Variants in ASRGL1 observed in about 807,000 individuals in gnomAD.
ASRGL1 encodes the protein isoaspartyl peptidase/L-asparaginase.
ASRGL1 carries 16 observed loss-of-function variants against 22.4 expected under a neutral mutation model. That is an observed-to-expected ratio of 0.71 (90% CI 0.48 to 1.08). The LOEUF is 1.08. Among genes scored for constraint, ASRGL1 ranks in the 50% least tolerant of loss-of-function variants. The probability of loss-of-function intolerance (pLI) is 0.00; values close to 1 mark genes in which losing one functional copy is unlikely to be tolerated. For synonymous variants in ASRGL1, 165 were observed against 159.3 expected, an observed-to-expected ratio of 1.04 and a Z score of -0.27; for missense variants, 412 against 410.1, an observed-to-expected ratio of 1.00 and a Z score of -0.04.
At position 62,357,092 on chromosome 11, in the gene ASRGL1, C is replaced by T. The variant is rs1352257014; in HGVS notation, c.439C>T (p.Arg147Cys). The change falls in exon 4 of 7, where the codon CGC becomes TGC. Residue 147 changes from arginine (R) to cysteine (C), a missense_variant. Transcript: ENST00000415229. ...EKLVTERNKKRLEKEKHEKGA... is the reference protein window; with the variant it reads ...EKLVTERNKKCLEKEKHEKGA... ...ACTGGTGACAGAGAGAAACAAAAAG[C>T]GCCTGGAAAAAGAGAAGCATGAAAA... 4.3e-6 allele frequency: 7 copies of T among 1,613,782 alleles called. No homozygotes were observed. The highest frequency in any genetic ancestry group is 2.7e-5 in the African/African-American group (2 of 74,852).
chr11:62,384,334 C>G (rs949924173), intron 4 of ASRGL1, among the ~76,000 whole-genome samples: 4 of 152,014 alleles, frequency 2.6e-5, no homozygotes, highest in African/African-American at 7.3e-5. Flanking sequence ...GAAACTTCAT[C>G]TCTACTAAGA....
At chr11:62,375,617 T>C (rs762317310) in intron 4 of ASRGL1, among the ~76,000 whole-genome samples, 5 of 151,560 alleles carry the variant, frequency 3.3e-5, no homozygotes, top group Non-Finnish European at 5.9e-5. Flanking sequence ...TCATCATTCC[T>C]TCTTCCTCAG....
chr11:62,346,343 G>A (rs1261084580), intron 2 of ASRGL1, among the ~76,000 whole-genome samples: 1 of 152,186 alleles, frequency 6.6e-6, no homozygotes, highest in Admixed American at 6.5e-5. Context: ...GGGAAGGGGT[G>A]TGGACCTTCC....
intron 4 of ASRGL1, among the ~76,000 whole-genome samples, chr11:62,374,445 A>C (rs1361518555): frequency 6.6e-6 from 1 of 152,086 alleles, no homozygotes; most frequent in South Asian, 2.1e-4. Flanking sequence ...TAAAATAGAT[A>C]TTTAGTTCAG....
At chr11:62,372,414 A>G in intron 4 of ASRGL1, 1 of 1,559,160 alleles carries the variant, frequency 6.4e-7, no homozygotes, top group Non-Finnish European at 8.8e-7. Context: ...TCAGTATGAT[A>G]ATGGACTGCA....
chr11:62,372,844 C>G, intron 4 of ASRGL1: 1 of 1,602,836 alleles, frequency 6.2e-7, no homozygotes, highest in Non-Finnish European at 8.5e-7. Flanking sequence ...GCCACCAACA[C>G]CTCCCATGAA....
At chr11:62,382,212 G>C (rs993364775) in intron 4 of ASRGL1, 1 of 151,812 alleles carries the variant, frequency 6.6e-6, no homozygotes, top group Non-Finnish European at 1.5e-5. Flanking sequence ...CAGAGACAAC[G>C]TATAGAGAAA....
chr11:62,360,364 T>G (rs1946404503), intron 4 of ASRGL1, among the ~76,000 whole-genome samples: 1 of 151,984 alleles, frequency 6.6e-6, no homozygotes, highest in African/African-American at 2.4e-5. Context: ...GATTAGCTCT[T>G]TATTTTTTTA....
chr11:62,338,431 G>A (rs1331442099), intron 2 of ASRGL1: 1 of 406,184 alleles, frequency 2.5e-6, no homozygotes, highest in Non-Finnish European at 4.4e-6. Context: ...TGTGCTTCTG[G>A]AGAGACATAA....
At chr11:62,354,117 T>C (rs372000558) in intron 2 of ASRGL1, among the ~76,000 whole-genome samples, 14 of 152,342 alleles carry the variant, frequency 9.2e-5, no homozygotes, top group Admixed American at 6.5e-4. Flanking sequence ...ACCTCATTGA[T>C]GGTTGTAAGG....
intron 2 of ASRGL1, among the ~76,000 whole-genome samples, chr11:62,339,192 G>A (rs1463994593): frequency 1.3e-5 from 2 of 152,178 alleles, no homozygotes; most frequent in African/African-American, 4.8e-5. Context: ...AAGATATGGC[G>A]AAGAAACGTA....
intron 3 of ASRGL1, 29 bp from the exon 4 acceptor site, chr11:62,356,958 A>T: frequency 6.4e-7 from 1 of 1,563,566 alleles, no homozygotes; most frequent in Non-Finnish European, 8.6e-7. Context: ...TCAAAAAAAC[A>T]ATCATTTTCT....
At chr11:62,366,794 A>G (rs982569298) in intron 4 of ASRGL1, among the ~76,000 whole-genome samples, 1 of 152,182 alleles carries the variant, frequency 6.6e-6, no homozygotes, top group Admixed American at 6.5e-5. Context: ...TACAGGTACA[A>G]GCCACTGTAC....
intron 4 of ASRGL1, among the ~76,000 whole-genome samples, chr11:62,358,165 T>TC (rs1333848534): frequency 6.6e-6 from 1 of 151,988 alleles, no homozygotes; most frequent in Non-Finnish European, 1.5e-5. Flanking sequence ...GCTCAGGAGT[T>TC]CAAGACCAGC....
At chr11:62,381,593 G>T (rs1565172415) in intron 4 of ASRGL1, among the ~76,000 whole-genome samples, 1 of 152,090 alleles carries the variant, frequency 6.6e-6, no homozygotes, top group Non-Finnish European at 1.5e-5. Context: ...CTACTTGCTT[G>T]TTTTAATTCT....
intron 4 of ASRGL1, among the ~76,000 whole-genome samples, chr11:62,360,270 C>G (rs542108117): frequency 1.3e-5 from 2 of 151,402 alleles, no homozygotes; most frequent in Middle Eastern, 3.2e-3. Context: ...TCAGGTGATC[C>G]GCCCACCTCG....
intron 2 of ASRGL1, among the ~76,000 whole-genome samples, chr11:62,350,789 C>G (rs1946150174): frequency 6.6e-6 from 1 of 152,084 alleles, no homozygotes; most frequent in African/African-American, 2.4e-5. Flanking sequence ...GAGCAAGACT[C>G]TGTCTCAAAA....
intron 4 of ASRGL1, among the ~76,000 whole-genome samples, chr11:62,362,568 AATATATATT>A (rs1946476628): frequency 2.5e-5 from 1 of 39,870 alleles, no homozygotes; most frequent in African/African-American, 8.9e-5. Flanking sequence ...TTATTTATAT[AATATATATT>A]ATATAAAATA....
intron 4 of ASRGL1, chr11:62,382,587 G>C (rs964539771): frequency 6.6e-6 from 1 of 151,842 alleles, no homozygotes; most frequent in Non-Finnish European, 1.5e-5. Context: ...GGAGACAGAT[G>C]CCTTCCTCTT....
Sources: allele counts gnomAD v4.1 joint callset (sites outside exome capture counted in the v4.1 genomes callset), GRCh38; gene constraint gnomAD v4.1.1; transcripts MANE v1.5; gene names NCBI Gene and HGNC (gene_info 2026-07-23, HGNC 2026-07-21).